The following STYK1 variants were observed in gnomAD, a reference collection of about 807,000 sequenced individuals.
STYK1 encodes the protein STY kinase 1.
STYK1 carries 46 observed loss-of-function variants against 48.1 expected under a neutral mutation model. The ratio of observed to expected loss-of-function variants is 0.96; its 90% CI spans 0.75 to 1.22. STYK1 has a LOEUF of 1.22. STYK1 is among the 50% of genes most tolerant of loss of function. The probability of loss-of-function intolerance (pLI) is 0.00; values close to 1 mark genes in which losing one functional copy is unlikely to be tolerated. For synonymous variants in STYK1, 188 were observed against 189.0 expected (o/e 0.99, Z 0.04); for missense variants, 527 against 521.1 (o/e 1.01, Z -0.11).
At chr12:10,657,728 C>T (rs1001623378) in intron 1 of STYK1, among the ~76,000 whole-genome samples, 1 of 152,210 alleles carries the variant, frequency 6.6e-6, no homozygotes, top group African/African-American at 2.4e-5. Flanking sequence ...AAGAATCAGA[C>T]CTTATCTTGT....
chr12:10,619,054 A>G lies in STYK1; in HGVS notation c.*1090T>C, dbSNP rs930221571. Reference sequence around the variant, plus strand: ...AAATAGGTATTATCCCCATTTACACATAAAGAATCCCTTTTCTGACATTGT... The same window carrying G: ...AAATAGGTATTATCCCCATTTACACGTAAAGAATCCCTTTTCTGACATTGT... On this transcript the variant is annotated 3_prime_UTR_variant, in exon 11 of 11. Transcript: ENST00000075503. 2 of 152,254 alleles carry G rather than the reference A, an allele frequency of 1.3e-5. No individual in the cohort carries two copies. The allele number at this position is 152,254 out of a possible 1,614,324, so 9.4% of individuals were successfully genotyped here. A position where few individuals can be genotyped will look rare whatever the true frequency, so the allele number is the denominator to read the frequency against.
At chr12:10,649,409 C>T (rs930714751) in intron 1 of STYK1, among the ~76,000 whole-genome samples, 11 of 152,138 alleles carry the variant, frequency 7.2e-5, no homozygotes, top group Non-Finnish European at 1.2e-4. Context: ...ATTAAATTTA[C>T]GTTCACAAAA....
intron 1 of STYK1, among the ~76,000 whole-genome samples, chr12:10,663,408 C>A (rs112854355): frequency 6.6e-6 from 1 of 151,614 alleles, no homozygotes; most frequent in Non-Finnish European, 1.5e-5. Context: ...GTCGGGAGAT[C>A]GAGACCACAG....
At chr12:10,637,336 ATTT>A (rs531819965) in intron 1 of STYK1, 140 bp from the exon 2 acceptor site, 15 of 130,642 alleles carry the variant, frequency 1.1e-4, no homozygotes, top group Non-Finnish European at 1.3e-4. Flanking sequence ...TGAGTCTAGG[ATTT>A]TTTTTTTTTT....
At chr12:10,643,668 G>A (rs575888948) in intron 1 of STYK1, among the ~76,000 whole-genome samples, 1 of 152,314 alleles carries the variant, frequency 6.6e-6, no homozygotes, top group African/African-American at 2.4e-5. Flanking sequence ...GTTTCTTTAA[G>A]TAAACAGTAT....
intron 1 of STYK1, among the ~76,000 whole-genome samples, chr12:10,670,750 A>G (rs951651019): frequency 7.9e-5 from 12 of 151,574 alleles, no homozygotes; most frequent in African/African-American, 2.9e-4. Flanking sequence ...CATCACAAAA[A>G]TATGTGAAAT....
At chr12:10,654,724 G>A (rs1947699772) in intron 1 of STYK1, among the ~76,000 whole-genome samples, 1 of 152,166 alleles carries the variant, frequency 6.6e-6, no homozygotes, top group Non-Finnish European at 1.5e-5. Flanking sequence ...TCCTTCCTAA[G>A]ATTTAGGGAT....
In STYK1 at chr12:10,634,595, C is replaced by T; in HGVS notation, c.24G>A (p.Leu8=). 6.2e-7 allele frequency: 1 copy of T among 1,614,088 alleles called. No homozygotes were observed. The highest frequency in any genetic ancestry group is 2.2e-5 in the East Asian group (1 of 44,870). Reference sequence around the variant, plus strand: ...ACAACTTGTCACTGAGACTGCATTCCAGGAGCATCCGTGTCATGCCCATTG... The same window carrying T: ...ACAACTTGTCACTGAGACTGCATTCTAGGAGCATCCGTGTCATGCCCATTG... The part of the protein sequence containing the change: MGMTRML[L]ECSLSDKLCV... Residue 8 remains leucine (L), a synonymous_variant, in exon 3 of 11, where the codon CTG becomes CTA. Coordinates refer to ENST00000075503, the MANE Select transcript of STYK1 (RefSeq NM_018423.3).
At chr12:10,625,910 G>A (rs1394611853) in intron 7 of STYK1, among the ~76,000 whole-genome samples, 2 of 152,122 alleles carry the variant, frequency 1.3e-5, no homozygotes, top group South Asian at 2.1e-4. Context: ...ACAGAGCATC[G>A]GAGAGCCATG....
chr12:10,645,940 AC>A (rs1221941412), intron 1 of STYK1, among the ~76,000 whole-genome samples: 1 of 152,200 alleles, frequency 6.6e-6, no homozygotes, highest in East Asian at 1.9e-4. Flanking sequence ...TTTGCCTGCC[AC>A]CATCCACGTA....
At chr12:10,638,075 C>T (rs1002601402) in intron 1 of STYK1, among the ~76,000 whole-genome samples, 1 of 152,198 alleles carries the variant, frequency 6.6e-6, no homozygotes, top group African/African-American at 2.4e-5. Flanking sequence ...GCATTATCCA[C>T]AGTTCTCTAT....
chr12:10,651,594 G>T (rs1030011381), intron 1 of STYK1, among the ~76,000 whole-genome samples: 9 of 152,234 alleles, frequency 5.9e-5, no homozygotes, highest in Non-Finnish European at 8.8e-5. Flanking sequence ...ATAATAATAA[G>T]AATATTCCTA....
chr12:10,629,585 C>T lies in STYK1; in HGVS notation c.541G>A (p.Glu181Lys). The change falls in exon 6 of 11, where the codon GAA becomes AAA. Residue 181 changes from glutamate (E) to lysine (K), a missense_variant. Physicochemically the swap from Glu to Lys is moderately conservative, Grantham distance 56 (BLOSUM62 1). Coordinates refer to ENST00000075503, the MANE Select transcript of STYK1 (RefSeq NM_018423.3). ...LGKHKNLVQL[E>K]GCCTEKLPLY... ...GGCAGCTTTTCAGTGCAGCAGCCTT[C>T]CAGCTGCACCAGGTTTTTGTGTTTC... 6.2e-7 allele frequency: 1 copy of T among 1,614,164 alleles called. No individual in the cohort carries two copies. Among genetic ancestry groups the T allele is most frequent in the South Asian group, 1.1e-5 (1 of 91,074 alleles).
intron 6 of STYK1, 136 bp from the exon 7 acceptor site, chr12:10,627,860 A>G: frequency 1.6e-6 from 1 of 628,504 alleles, no homozygotes; most frequent in Admixed American, 3.6e-5. Context: ...GTTCAAAGTG[A>G]GGCTGTGGGA....
chr12:10,646,652 T>A (rs1947603073), intron 1 of STYK1, among the ~76,000 whole-genome samples: 1 of 152,214 alleles, frequency 6.6e-6, no homozygotes, highest in South Asian at 2.1e-4. Flanking sequence ...AGGAGCCAAA[T>A]GTTAATCACC....
rs774640032 is a variant in STYK1, at chr12:10,629,597, G to C, written c.529C>G (p.Leu177Val). ...FHQYLGKHKN[L>V]VQLEGCCTEK... Reference sequence around the variant, plus strand: ...GTGCAGCAGCCTTCCAGCTGCACCAGGTTTTTGTGTTTCCCCAGGTATTGA... The same window carrying C: ...GTGCAGCAGCCTTCCAGCTGCACCACGTTTTTGTGTTTCCCCAGGTATTGA... The change falls in exon 6 of 11, where the codon CTG becomes GTG. Residue 177 changes from leucine to valine, a missense_variant. Leu to Val is a conservative substitution (Grantham distance 32). Transcript: ENST00000075503. The C allele has an allele frequency of 6.2e-6, 10 of 1,614,048 alleles. No individual in the cohort carries two copies. The highest frequency in any genetic ancestry group is 1.6e-4 in the Middle Eastern group (1 of 6,084).
At chr12:10,663,076 A>C (rs1253607279) in intron 1 of STYK1, among the ~76,000 whole-genome samples, 1 of 152,164 alleles carries the variant, frequency 6.6e-6, no homozygotes, top group Non-Finnish European at 1.5e-5. Context: ...GTTAAAGACA[A>C]TCTTTTTCTG....
rs144579142 is a variant in STYK1 at position 10,624,779 on chromosome 12, C to A, written c.798G>T (p.Lys266Asn). The A allele has an allele frequency of 2.5e-6, 4 of 1,614,016 alleles. No individual in the cohort carries two copies. The African/African-American group carries it at 5.3e-5, about 22-fold the overall frequency. Residue 266 changes from lysine to asparagine, a missense_variant, in exon 8 of 11, where the codon AAG (lysine) becomes AAT (asparagine). Coordinates refer to ENST00000075503, the MANE Select transcript of STYK1 (RefSeq NM_018423.3). ...CATAAGCCAGGCCTAATCCACAGAGCTTAGCAGTGAGATCACTTTGCATCA... is the reference window on the plus strand; with the variant it reads ...CATAAGCCAGGCCTAATCCACAGAGATTAGCAGTGAGATCACTTTGCATCA... ...NILMQSDLTA[K>N]LCGLGLAYEV...
intron 1 of STYK1, among the ~76,000 whole-genome samples, chr12:10,646,981 G>T (rs1442162515): frequency 6.6e-6 from 1 of 152,272 alleles, no homozygotes; most frequent in Non-Finnish European, 1.5e-5. Context: ...TTCAGAGGCT[G>T]TATGGAAATG....
Sources: gnomAD v4.1 joint callset for allele counts (sites outside exome capture counted in the v4.1 genomes callset) on GRCh38, gnomAD v4.1.1 for gene constraint, MANE v1.5 for transcripts, NCBI Gene and HGNC (gene_info 2026-07-23, HGNC 2026-07-21) for gene names.